Variants in RYR3 observed in about 807,000 individuals in gnomAD.
RYR3 encodes the protein ryanodine receptor 3.
RYR3 carries 207 observed loss-of-function variants against 584.3 expected under a neutral mutation model. The observed-to-expected ratio is 0.35, with a 90% CI of 0.32 to 0.40. RYR3 has a LOEUF of 0.40. Among genes scored for constraint, RYR3 ranks in the 10% least tolerant of loss-of-function variants. RYR3 has a pLI of 1.00. For synonymous variants in RYR3, 2,416 were observed against 2,248.5 expected, an observed-to-expected ratio of 1.07 and a Z score of -2.11; for missense variants, 5,616 against 6,089.2, an observed-to-expected ratio of 0.92 and a Z score of 2.59.
intron 98 of RYR3, among the ~76,000 whole-genome samples, chr15:33,857,387 G>C (rs1452051786): frequency 6.6e-6 from 1 of 150,742 alleles, no homozygotes; most frequent in Non-Finnish European, 1.5e-5. Context: ...TTTCTTCTAA[G>C]GATGCCGGTG....
intron 53 of RYR3, among the ~76,000 whole-genome samples, chr15:33,746,900 C>T (rs1435201389): frequency 7.0e-6 from 1 of 143,594 alleles, no homozygotes; most frequent in Admixed American, 6.9e-5. Context: ...CCTCCACCTT[C>T]CGGGCTCAAG....
At chr15:33,818,073 G>A (rs1207483049) in intron 75 of RYR3, among the ~76,000 whole-genome samples, 1 of 152,204 alleles carries the variant, frequency 6.6e-6, no homozygotes, top group Non-Finnish European at 1.5e-5. Flanking sequence ...AAAGAGAGAT[G>A]TTTTGCTGGG....
chr15:33,828,023 G>C (rs35075779), intron 85 of RYR3, among the ~76,000 whole-genome samples: 22,422 of 152,124 alleles, frequency 0.15, 1,825 homozygotes, highest in Middle Eastern at 0.27. Flanking sequence ...TATCTGTGCC[G>C]TTTTACCAAC....
chr15:33,660,868 A>T (rs1334734682), intron 34 of RYR3, among the ~76,000 whole-genome samples: 1 of 151,432 alleles, frequency 6.6e-6, no homozygotes, highest in Admixed American at 6.6e-5. Context: ...TACATTACTT[A>T]TGTACTCTGA....
At chr15:33,436,009 TCTGATTGGTCCATTTTACAAAGTG>T (rs2045694553) in intron 1 of RYR3, among the ~76,000 whole-genome samples, 1 of 140,732 alleles carries the variant, frequency 7.1e-6, no homozygotes, top group Non-Finnish European at 1.7e-5. Flanking sequence ...TTTACAGAGT[TCTGATTGGTCCATTTTACAAAGTG>T]CTGATTGGTG....
chr15:33,502,760 G>A (rs1169722480), intron 2 of RYR3, among the ~76,000 whole-genome samples: 2 of 152,200 alleles, frequency 1.3e-5, no homozygotes, highest in African/African-American at 2.4e-5. Flanking sequence ...GAGACAGACT[G>A]TCTGGATTTG....
intron 1 of RYR3, among the ~76,000 whole-genome samples, chr15:33,407,547 A>G (rs1012384973): frequency 7.2e-5 from 11 of 152,140 alleles, no homozygotes; most frequent in African/African-American, 2.7e-4. Context: ...AGTCACTGTG[A>G]GGATGTTGAC....
rs2076658764 is a variant in RYR3, at chr15:33,813,593, C to G, written c.10502+14C>G. ...CAACCTGCCCAGGCAAGTATTTTGT[C>G]TTTTTTCCTGGCATGTAAGCCAGCG... On this transcript the variant is annotated intron_variant, in intron 74 of 103. Coordinates refer to ENST00000634891, the MANE Select transcript of RYR3 (RefSeq NM_001036.6). 1 of 1,604,656 alleles carries G rather than the reference C, an allele frequency of 6.2e-7. No homozygotes were observed. Among genetic ancestry groups the G allele is most frequent in the Non-Finnish European group, 8.5e-7 (1 of 1,171,474 alleles).
At position 33,613,301 on chromosome 15, in the gene RYR3, C is replaced by G. The variant is rs750595087; in HGVS notation, c.2283C>G (p.Pro761=). 6.2e-7 allele frequency: 1 copy of G among 1,613,964 alleles called. No individual in the cohort carries two copies. The highest frequency in any genetic ancestry group is 8.5e-7 in the Non-Finnish European group (1 of 1,179,878). ...TCTCATTCCGCATCAATGGGCAGCC[C>G]GTGCAGGGGATGTTTGAGAACTTCA... is the stretch of plus-strand genomic sequence containing the variant. ...PSISFRINGQ[P]VQGMFENFNT... is the part of the protein sequence containing the mutation. The change falls in exon 19 of 104, where the codon CCC becomes CCG. Residue 761 remains proline (P), a synonymous_variant. Transcript: ENST00000634891.
intron 40 of RYR3, 68 bp from the exon 41 acceptor site, chr15:33,699,636 A>C: frequency 6.7e-7 from 1 of 1,482,496 alleles, no homozygotes; most frequent in East Asian, 2.3e-5. Flanking sequence ...TAAGACTCTG[A>C]GGTCAGAGTT....
chr15:33,772,066 A>G lies in RYR3; in HGVS notation c.8963A>G (p.Gln2988Arg). The change falls in exon 63 of 104, where the codon CAG (glutamine) becomes CGG (arginine). Residue 2988 changes from glutamine to arginine, a missense_variant. Gln to Arg is a conservative substitution (Grantham distance 43, BLOSUM62 1). Around this residue, in one of 9 missense-constraint regions of RYR3, gnomAD observed 954 missense variants for 1,132.2 expected, o/e 0.84. Coordinates refer to ENST00000634891, the MANE Select transcript of RYR3 (RefSeq NM_001036.6). Reference sequence around the variant, plus strand: ...CGAACGCAGATTAAAGGCGTTTCTCAGAATATTAACTACACTACAGTGGCT... The same window carrying G: ...CGAACGCAGATTAAAGGCGTTTCTCGGAATATTAACTACACTACAGTGGCT... ...HSRTQIKGVS[Q>R]NINYTTVALL... 6.2e-7 allele frequency: 1 copy of G among 1,613,780 alleles called. No homozygotes were observed. The highest frequency in any genetic ancestry group is 1.6e-4 in the Middle Eastern group (1 of 6,062).
intron 64 of RYR3, 39 bp downstream of exon 64, chr15:33,773,654 G>C (rs1370547417): frequency 1.5e-6 from 2 of 1,344,440 alleles, no homozygotes; most frequent in Non-Finnish European, 2.1e-6. Flanking sequence ...TTCAGGCATA[G>C]TAAAATGTTA....
At chr15:33,426,309 A>G (rs1338888562) in intron 1 of RYR3, among the ~76,000 whole-genome samples, 2 of 152,188 alleles carry the variant, frequency 1.3e-5, no homozygotes, top group Non-Finnish European at 2.9e-5. Flanking sequence ...AAAACGTGGC[A>G]AATGTGGGCA....
intron 1 of RYR3, among the ~76,000 whole-genome samples, chr15:33,407,766 C>T (rs2043123149): frequency 6.6e-6 from 1 of 152,124 alleles, no homozygotes; most frequent in South Asian, 2.1e-4. Context: ...CTCTAGAAAA[C>T]AGGAGCATAA....
At position 33,750,281 on chromosome 15, in the gene RYR3, T is replaced by G. The variant is rs374767894; in HGVS notation, c.8394T>G (p.Val2798=). The change falls in exon 57 of 104, where the codon GTT becomes GTG. Residue 2798 remains valine (V), a synonymous_variant. Coordinates refer to ENST00000634891, the MANE Select transcript of RYR3 (RefSeq NM_001036.6). ...TCCTCCAAGTGAATGGCATCATAGT[T>G]TCCAGGTAAGTCACCTTCCATGTGA... is the stretch of plus-strand genomic sequence containing the variant. ...FKFLQVNGII[V]SRGMKDMELD... The G allele has an allele frequency of 9.1e-5, 147 of 1,610,790 alleles. No homozygotes were observed. Among genetic ancestry groups the G allele is most frequent in the Middle Eastern group, 3.3e-4 (2 of 6,056 alleles).
At chr15:33,530,775 A>G in intron 4 of RYR3, 109 bp downstream of exon 4, 2 of 791,772 alleles carry the variant, frequency 2.5e-6, no homozygotes, top group South Asian at 1.5e-5. Flanking sequence ...CAATTGGAAC[A>G]TAACTAATTT....
chr15:33,341,170 C>G (rs1442020336), intron 1 of RYR3, among the ~76,000 whole-genome samples: 1 of 152,154 alleles, frequency 6.6e-6, no homozygotes, highest in Middle Eastern at 3.2e-3. Context: ...TCCCGAGTAG[C>G]TGGGACTACA....
chr15:33,773,049 G>C (rs1317614090), intron 63 of RYR3, among the ~76,000 whole-genome samples: 1 of 152,184 alleles, frequency 6.6e-6, no homozygotes, highest in Admixed American at 6.5e-5. Flanking sequence ...GAGAACCTGG[G>C]ATAGGCAGAT....
chr15:33,551,312 A>T (rs1435099), intron 10 of RYR3, among the ~76,000 whole-genome samples: 105,846 of 152,126 alleles, frequency 0.7, 38,916 homozygotes, highest in Middle Eastern at 0.85. Flanking sequence ...TTTTCCAGAA[A>T]TAAATCTTGA....
Sources: gnomAD v4.1 joint callset for allele counts (sites outside exome capture counted in the v4.1 genomes callset) on GRCh38, gnomAD v4.1.1 for gene constraint, gnomAD v4.1.1 regional missense constraint, MANE v1.5 for transcripts, NCBI Gene and HGNC (gene_info 2026-07-23, HGNC 2026-07-21) for gene names.